GPR83: variants seen among roughly 807,000 people sequenced by gnomAD.
GPR83 encodes the protein G-protein coupled receptor 72.
A neutral mutation model predicts 28.0 loss-of-function variants in GPR83; 23 were observed. That is an observed-to-expected ratio of 0.82 (90% CI 0.59 to 1.16). The LOEUF is 1.16. Among genes scored for constraint, GPR83 ranks in the 50% most tolerant of loss-of-function variants. The pLI, the probability that GPR83 is intolerant of heterozygous loss-of-function variation, is 0.00. For missense variants in GPR83, 610 were observed against 536.6 expected, an observed-to-expected ratio of 1.14 and a Z score of -1.35; for synonymous variants, 234 against 215.4, an observed-to-expected ratio of 1.09 and a Z score of -0.76.
rs138745421 is a variant in GPR83, at chr11:94,393,538, C to T, written c.594G>A (p.Thr198=). ...AGATAGCATGTGGGAGTGAAAAGAA[C>T]GTAGCCATGGTCCAGATGACAGCGA... ...IYIAVIWTMA[T]FFSLPHAICQ... is the part of the protein sequence containing the mutation. The change falls in exon 3 of 4, where the codon ACG becomes ACA. Residue 198 remains threonine, a synonymous_variant. Transcript: ENST00000243673. 1.9e-5 allele frequency: 30 copies of T among 1,613,748 alleles called. No individual in the cohort carries two copies. Among genetic ancestry groups the T allele is most frequent in the African/African-American group, 4.0e-5 (3 of 74,912 alleles).
Position 94,379,323 on chromosome 11 carries a change from AT to A in GPR83, c.*825del, listed in dbSNP as rs1944657059. The A allele has an allele frequency of 6.9e-6, 1 of 145,726 alleles. No homozygotes were observed. The highest frequency in any genetic ancestry group is 1.5e-5 in the Non-Finnish European group (1 of 66,696). The allele number at this position is 145,726 out of a possible 1,614,324, so 9.0% of individuals were successfully genotyped here. On this transcript the variant is annotated 3_prime_UTR_variant, in exon 4 of 4. Transcript: ENST00000243673. ...GAGGCAGAGCTTGCAGTGAGCCGAG[AT>A]TGTGCCACTGAACTCCAACCTGGGT...
intron 3 of GPR83, among the ~76,000 whole-genome samples, 167 bp downstream of exon 3, chr11:94,393,318 T>C (rs1944835480): frequency 1.3e-5 from 2 of 152,000 alleles, no homozygotes; most frequent in South Asian, 2.1e-4. Flanking sequence ...AGGACAGGCA[T>C]GGACAAGGAG....
Position 94,381,554 on chromosome 11 carries a change from A to AGT in GPR83, c.648-783_648-782dup, listed in dbSNP as rs1174732142. Among the ~76,000 whole-genome samples, 21 of 30,210 alleles carry AGT rather than the reference A, an allele frequency of 7.0e-4. No homozygotes were observed. In the South Asian group the frequency reaches 0.015, roughly 21 times the overall value. 19.8% of individuals were successfully genotyped at this position (30,210 alleles called of 152,430 possible). A position where few individuals can be genotyped will look rare whatever the true frequency, so the allele number is the denominator to read the frequency against. On this transcript the variant is annotated intron_variant, in intron 3 of 3. Coordinates refer to ENST00000243673, the MANE Select transcript of GPR83 (RefSeq NM_016540.4). ...TGACCCTGCTTTTGTCACAGGAGTG[A>AGT]GTGAGTGTGTGTGTGTGTGTGTGTG...
intron 3 of GPR83, among the ~76,000 whole-genome samples, chr11:94,393,208 C>A (rs529448249): frequency 6.6e-6 from 1 of 152,242 alleles, no homozygotes; most frequent in Admixed American, 6.5e-5. Flanking sequence ...AGTACGGCAC[C>A]CTGGTGACAG....
chr11:94,394,107 G>A (rs999559431), intron 2 of GPR83, among the ~76,000 whole-genome samples: 1 of 152,194 alleles, frequency 6.6e-6, no homozygotes, highest in African/African-American at 2.4e-5. Context: ...CCAGGAGGAA[G>A]GCTGCTCGCA....
Position 94,396,470 on chromosome 11 carries a change from G to C in GPR83, c.442C>G (p.Arg148Gly). 1 of 1,614,074 alleles carries C rather than the reference G, an allele frequency of 6.2e-7. No homozygotes were observed. ...TGCAGTGAGCAGTACTGGGCAAAGCGGCTGACATGGCACATGCCCTTCCCA... is the reference window on the plus strand; with the variant it reads ...TGCAGTGAGCAGTACTGGGCAAAGCCGCTGACATGGCACATGCCCTTCCCA... ...IFGKGMCHVS[R>G]FAQYCSLHVS... Residue 148 changes from arginine to glycine, a missense_variant, in exon 2 of 4, where the codon CGC becomes GGC. Coordinates refer to ENST00000243673, the MANE Select transcript of GPR83 (RefSeq NM_016540.4).
chr11:94,391,044 A>G (rs547151013), intron 3 of GPR83, among the ~76,000 whole-genome samples: 2 of 152,170 alleles, frequency 1.3e-5, no homozygotes, highest in Non-Finnish European at 2.9e-5. Flanking sequence ...GAACAAAGCT[A>G]GAGGCATCAC....
chr11:94,391,230 T>G (rs1380838338), intron 3 of GPR83, among the ~76,000 whole-genome samples: 2 of 151,452 alleles, frequency 1.3e-5, no homozygotes, highest in Non-Finnish European at 2.9e-5. Flanking sequence ...AGGGAAAGAG[T>G]CCCTATTCAA....
intron 3 of GPR83, among the ~76,000 whole-genome samples, chr11:94,382,213 A>G (rs996191353): frequency 3.9e-5 from 6 of 152,054 alleles, no homozygotes; most frequent in Non-Finnish European, 8.8e-5. Context: ...TTAGCTGGGC[A>G]TGGTGGCACA....
At chr11:94,380,994 C>G (rs1944681099) in intron 3 of GPR83, among the ~76,000 whole-genome samples, 1 of 152,136 alleles carries the variant, frequency 6.6e-6, no homozygotes, top group Non-Finnish European at 1.5e-5. Context: ...CTGAATTTCT[C>G]TGTGTTCTCT....
chr11:94,377,752 T>C lies in GPR83; in HGVS notation c.*2397A>G, dbSNP rs1020970618. The C allele has an allele frequency of 1.3e-5, 2 of 152,214 alleles. No homozygotes were observed. Among genetic ancestry groups the C allele is most frequent in the Non-Finnish European group, 2.9e-5 (2 of 68,044 alleles). The allele number at this position is 152,214 out of a possible 1,614,324, so 9.4% of individuals were successfully genotyped here. On this transcript the variant is annotated 3_prime_UTR_variant, in exon 4 of 4. Transcript: ENST00000243673. ...GATTTTTCCCAGCTGTAGGCTAATA[T>C]AAGTGTTCTCAGAGCATTTAAGGTA...
At chr11:94,385,714 A>G (rs912483193) in intron 3 of GPR83, among the ~76,000 whole-genome samples, 1 of 152,234 alleles carries the variant, frequency 6.6e-6, no homozygotes, top group Non-Finnish European at 1.5e-5. Context: ...GACCAAATCT[A>G]TGTCTGATTG....
chr11:94,390,407 T>G (rs1470268932), intron 3 of GPR83, among the ~76,000 whole-genome samples: 1 of 152,126 alleles, frequency 6.6e-6, no homozygotes, highest in Non-Finnish European at 1.5e-5. Context: ...CTTTGAAAAC[T>G]GGCATAAAAT....
intron 3 of GPR83, among the ~76,000 whole-genome samples, 167 bp from the exon 4 acceptor site, chr11:94,380,940 C>T (rs1164309210): frequency 6.6e-6 from 1 of 152,200 alleles, no homozygotes. Context: ...TACATTTCTA[C>T]CTCCCCCACT....
At chr11:94,387,079 T>C (rs1944765289) in intron 3 of GPR83, among the ~76,000 whole-genome samples, 1 of 152,280 alleles carries the variant, frequency 6.6e-6, no homozygotes, top group Middle Eastern at 3.4e-3. Context: ...GAATGACTAC[T>C]GGGTACATAA....
At chr11:94,397,969 G>A (rs971285187) in intron 1 of GPR83, among the ~76,000 whole-genome samples, 22 of 152,226 alleles carry the variant, frequency 1.4e-4, no homozygotes, top group Non-Finnish European at 3.1e-4. Context: ...GAGCAGTTCA[G>A]TAACATTATA....
At chr11:94,382,889 G>T (rs1434789469) in intron 3 of GPR83, among the ~76,000 whole-genome samples, 1 of 152,114 alleles carries the variant, frequency 6.6e-6, no homozygotes, top group Non-Finnish European at 1.5e-5. Context: ...TCAAGGCCGG[G>T]CACGGTGGCT....
intron 3 of GPR83, among the ~76,000 whole-genome samples, chr11:94,390,673 C>T (rs998461282): frequency 6.6e-6 from 1 of 152,096 alleles, no homozygotes; most frequent in African/African-American, 2.4e-5. Context: ...TTCCTATACA[C>T]CAATAACAGA....
Position 94,379,895 on chromosome 11 carries a change from C to T in GPR83, c.*254G>A. On this transcript the variant is annotated 3_prime_UTR_variant, in exon 4 of 4. Transcript: ENST00000243673. Reference sequence around the variant, plus strand: ...GCCAACGTTGTCCTCGCTCCTCTTCCTCAGAGATACAGGCTGCTGTGCCTC... The same window carrying T: ...GCCAACGTTGTCCTCGCTCCTCTTCTTCAGAGATACAGGCTGCTGTGCCTC... The T allele has an allele frequency of 3.0e-6, 1 of 336,240 alleles. No individual in the cohort carries two copies. The highest frequency in any genetic ancestry group is 5.4e-6 in the Non-Finnish European group (1 of 184,926). 20.8% of individuals were successfully genotyped at this position (336,240 alleles called of 1,614,324 possible).
Sources: allele counts gnomAD v4.1 joint callset (sites outside exome capture counted in the v4.1 genomes callset), GRCh38; gene constraint gnomAD v4.1.1; transcripts MANE v1.5; gene names NCBI Gene and HGNC (gene_info 2026-07-23, HGNC 2026-07-21).